PPFIBP2: variants seen among roughly 807,000 people sequenced by gnomAD.
The protein encoded by PPFIBP2 is PPFIB scaffold protein 2.
Under a neutral mutation model 118.3 loss-of-function variants are expected in PPFIBP2, and 118 were observed. That is an observed-to-expected ratio of 1.00 (90% CI 0.86 to 1.16). The LOEUF is 1.16. PPFIBP2 is among the 50% of genes most tolerant of loss of function. The pLI is 0.00. For missense variants in PPFIBP2, 1,195 were observed against 1,073.1 expected (o/e 1.11, Z -1.59); for synonymous variants, 414 against 397.4 (o/e 1.04, Z -0.50).
At chr11:7,642,493 C>T in intron 17 of PPFIBP2, 67 bp downstream of exon 17, 1 of 1,524,388 alleles carries the variant, frequency 6.6e-7, no homozygotes, top group African/African-American at 1.4e-5. Flanking sequence ...TTCAAACCTG[C>T]ATGGGTGAAT....
chr11:7,657,890 T>G (rs936109737), downstream of PPFIBP2, among the ~76,000 whole-genome samples: 1 of 152,216 alleles, frequency 6.6e-6, no homozygotes, highest in Non-Finnish European at 1.5e-5. Flanking sequence ...TTGGAGCACC[T>G]GCTCTGCACT....
intron 7 of PPFIBP2, among the ~76,000 whole-genome samples, chr11:7,624,443 A>G (rs976147087): frequency 1.3e-5 from 2 of 152,238 alleles, no homozygotes; most frequent in African/African-American, 4.8e-5. Context: ...AGGCCTGTCC[A>G]GCAACAGAGT....
At chr11:7,568,827 C>T (rs1031441226) in intron 3 of PPFIBP2, 8 of 152,206 alleles carry the variant, frequency 5.3e-5, no homozygotes, top group Admixed American at 5.2e-4. Context: ...TGAGCGAAGT[C>T]CTCCAGATCA....
Position 7,597,681 on chromosome 11 carries a change from C to T in PPFIBP2, c.486+8C>T, listed in dbSNP as rs139798595. 1,014 of 1,610,068 alleles carry T rather than the reference C, an allele frequency of 6.3e-4. 2 individuals are homozygous for T. The African/African-American group carries it at 0.011, about 18-fold the overall frequency. ...GAAGAGATGCTTCAACAGGTAAGGG[C>T]GGGTGCACTGAAGGCCCTTGGGTGC... is the stretch of plus-strand genomic sequence containing the variant. On this transcript the variant is annotated splice_region_variant and intron_variant, in intron 5 of 23. Coordinates refer to ENST00000299492, the MANE Select transcript of PPFIBP2 (RefSeq NM_003621.5).
intron 1 of PPFIBP2, among the ~76,000 whole-genome samples, chr11:7,519,403 T>C (rs1849529159): frequency 6.6e-6 from 1 of 152,054 alleles, no homozygotes; most frequent in South Asian, 2.1e-4. Context: ...AAATAAGGAA[T>C]TTCTTCCTAT....
intron 2 of PPFIBP2, among the ~76,000 whole-genome samples, chr11:7,559,293 T>C (rs7131630): frequency 0.52 from 78,542 of 151,986 alleles, 21,946 homozygotes; most frequent in African/African-American, 0.74. Context: ...TCCTGTTAAT[T>C]CCAGGTTTTA....
intron 2 of PPFIBP2, among the ~76,000 whole-genome samples, chr11:7,550,175 C>T (rs189038969): frequency 1.2e-4 from 19 of 152,306 alleles, no homozygotes; most frequent in East Asian, 5.8e-4. Context: ...AACCAGAAGC[C>T]TATATTGATT....
intron 21 of PPFIBP2, 79 bp downstream of exon 21, chr11:7,649,733 ACAT>A: frequency 1.3e-6 from 2 of 1,572,754 alleles, no homozygotes; most frequent in Non-Finnish European, 1.7e-6. Context: ...AACAAGAATG[ACAT>A]CATAAAAGCA....
At chr11:7,630,141 A>G (rs1017014947) in intron 10 of PPFIBP2, among the ~76,000 whole-genome samples, 43 of 152,174 alleles carry the variant, frequency 2.8e-4, no homozygotes, top group African/African-American at 1.0e-3. Context: ...GGCTCCCATC[A>G]TAGATCCTGA....
chr11:7,554,577 C>CT (rs561320204), intron 2 of PPFIBP2, among the ~76,000 whole-genome samples: 373 of 152,224 alleles, frequency 2.5e-3, no homozygotes, highest in Non-Finnish European at 4.1e-3. Flanking sequence ...CAGGAGTACT[C>CT]TGAGAGGACA....
At chr11:7,522,049 G>C (rs1314600586) in intron 1 of PPFIBP2, among the ~76,000 whole-genome samples, 6 of 152,174 alleles carry the variant, frequency 3.9e-5, no homozygotes, top group Non-Finnish European at 7.3e-5. Flanking sequence ...AAAAGACGTG[G>C]TAAAACTGTT....
chr11:7,662,517 G>T, the PPFIBP2 span, among the ~76,000 whole-genome samples: 1 of 151,278 alleles, frequency 6.6e-6, no homozygotes. Flanking sequence ...TGAGAGATCC[G>T]CTGTTAGTCT....
chr11:7,577,247 A>T, intron 3 of PPFIBP2: 1 of 180,660 alleles, frequency 5.5e-6, no homozygotes, highest in African/African-American at 2.4e-5. Context: ...TTTTTTCTCT[A>T]CCTTTGTGTG....
chr11:7,628,714 A>T (rs1006559751), intron 9 of PPFIBP2, among the ~76,000 whole-genome samples: 7 of 152,212 alleles, frequency 4.6e-5, no homozygotes, highest in African/African-American at 1.7e-4. Flanking sequence ...ACCATCATAG[A>T]GACACTTGGC....
At chr11:7,546,308 G>T (rs944286552) in intron 1 of PPFIBP2, among the ~76,000 whole-genome samples, 3 of 152,182 alleles carry the variant, frequency 2.0e-5, no homozygotes, top group African/African-American at 7.2e-5. Context: ...GAGGAAAATA[G>T]GCTGGCAAAA....
rs1023395823 is a variant in PPFIBP2 at position 7,566,178 on chromosome 11, T to A, written c.279+411T>A. ...CAAAAGACTGGTTACCTCATTGATT[T>A]AAAAAAAAGCTTGACAAATTTCTTA... On this transcript the variant is annotated intron_variant, in intron 3 of 23. Transcript: ENST00000299492. Among the ~76,000 whole-genome samples the A allele has an allele frequency of 2.3e-3, 346 of 152,162 alleles. 3 individuals carry two copies. Among genetic ancestry groups the A allele is most frequent in the Middle Eastern group, 0.01 (3 of 294 alleles).
intron 3 of PPFIBP2, among the ~76,000 whole-genome samples, chr11:7,566,406 G>A (rs989642488): frequency 3.3e-5 from 5 of 152,122 alleles, no homozygotes; most frequent in African/African-American, 9.7e-5. Flanking sequence ...CCAGGCTGGA[G>A]TGCAGTGTGG....
intron 1 of PPFIBP2, among the ~76,000 whole-genome samples, chr11:7,525,608 G>A (rs375910979): frequency 3.9e-4 from 60 of 152,272 alleles, no homozygotes; most frequent in African/African-American, 8.7e-4. Flanking sequence ...GGTCACCCAC[G>A]TACAGGACAA....
chr11:7,653,008 A>G lies in PPFIBP2; in HGVS notation c.2437-16A>G, dbSNP rs1456783431. 1.3e-6 allele frequency: 2 copies of G among 1,598,440 alleles called. No individual in the cohort carries two copies. Among genetic ancestry groups the G allele is most frequent in the African/African-American group, 1.3e-5 (1 of 74,524 alleles). Reference sequence around the variant, plus strand: ...CTTGATTGCCTTCTCATAATCTTGCATTTTCTGTGTTTTAGCCAAGGAAAC... The same window carrying G: ...CTTGATTGCCTTCTCATAATCTTGCGTTTTCTGTGTTTTAGCCAAGGAAAC... On this transcript the variant is annotated splice_polypyrimidine_tract_variant and intron_variant, in intron 23 of 23. Coordinates refer to ENST00000299492, the MANE Select transcript of PPFIBP2 (RefSeq NM_003621.5).
Sources: allele counts gnomAD v4.1 joint callset (sites outside exome capture counted in the v4.1 genomes callset), GRCh38; gene constraint gnomAD v4.1.1; transcripts MANE v1.5; gene names NCBI Gene and HGNC (gene_info 2026-07-23, HGNC 2026-07-21).